Variants in MYO3B observed in about 807,000 individuals in gnomAD.
MYO3B encodes the protein myosin IIIB.
In MYO3B, 156 loss-of-function variants were observed where a neutral mutation model predicts 174.6. That is an observed-to-expected ratio of 0.89 (90% CI 0.78 to 1.02). The LOEUF is 1.02. MYO3B is among the 50% of genes least tolerant of loss of function. The probability of loss-of-function intolerance (pLI) is 0.00; values close to 1 mark genes in which losing one functional copy is unlikely to be tolerated. For synonymous variants in MYO3B, 563 were observed against 569.1 expected (o/e 0.99, Z 0.15); for missense variants, 1,632 against 1,639.4 (o/e 1.00, Z 0.08).
intron 30 of MYO3B, among the ~76,000 whole-genome samples, chr2:170,530,598 T>C (rs952191829): frequency 2.2e-4 from 34 of 152,222 alleles, no homozygotes; most frequent in Non-Finnish European, 5.9e-5. Context: ...CAGCGCCAGG[T>C]TGAGGCATCG....
intron 5 of MYO3B, 105 bp downstream of exon 5, chr2:170,214,933 T>G: frequency 2.4e-6 from 2 of 821,082 alleles, no homozygotes; most frequent in Non-Finnish European, 4.0e-6. Context: ...CACCATAGGC[T>G]GAGGGACTTT....
At chr2:170,563,113 C>T (rs1035429786) in intron 32 of MYO3B, among the ~76,000 whole-genome samples, 1 of 134,368 alleles carries the variant, frequency 7.4e-6, no homozygotes. Context: ...CTCTCTCTCT[C>T]ACACATACAC....
intron 32 of MYO3B, among the ~76,000 whole-genome samples, chr2:170,576,610 C>T (rs1159819590): frequency 5.9e-5 from 9 of 152,156 alleles, no homozygotes; most frequent in South Asian, 4.1e-4. Flanking sequence ...ATTATTAGGA[C>T]GAGAAAGAAA....
chr2:170,467,996 A>G (rs944100688), intron 25 of MYO3B, among the ~76,000 whole-genome samples: 1 of 152,160 alleles, frequency 6.6e-6, no homozygotes, highest in Admixed American at 6.5e-5. Flanking sequence ...CAATGTTTGA[A>G]TACATAAAAA....
intron 8 of MYO3B, among the ~76,000 whole-genome samples, chr2:170,352,021 C>T (rs7578695): frequency 0.9 from 136,954 of 152,188 alleles, 62,512 homozygotes; most frequent in East Asian, 1. Context: ...GGCATGATCT[C>T]GGCTCACTGC....
chr2:170,260,556 T>C (rs113145500), intron 7 of MYO3B, among the ~76,000 whole-genome samples: 302 of 151,638 alleles, frequency 2.0e-3, no homozygotes, highest in African/African-American at 6.8e-3. Context: ...ACTACTGGAG[T>C]TGGGAGAGGA....
rs114054752 is a variant in MYO3B at position 170,508,465 on chromosome 2, A to G, written c.3371-6456A>G. ...GAAAGCTAACTGGGCTGTGGCAAGA[A>G]TGATCATGCTATTTTTCTTCAAAAG... On this transcript the variant is annotated intron_variant, in intron 28 of 34. Transcript: ENST00000408978. Among the ~76,000 whole-genome samples the G allele has an allele frequency of 6.6e-3, 1,009 of 152,356 alleles. 5 individuals are homozygous for G. Among genetic ancestry groups the G allele is most frequent in the South Asian group, 0.025 (121 of 4,826 alleles).
In MYO3B at chr2:170,204,339, A is replaced by G. The variant is rs191520443; in HGVS notation, c.321+4055A>G. 2.0e-5 allele frequency among the ~76,000 whole-genome samples: 3 copies of G among 152,318 alleles called. No individual in the cohort carries two copies. The East Asian group carries it at 5.8e-4, about 29-fold the overall frequency. On this transcript the variant is annotated intron_variant, in intron 3 of 34. Transcript: ENST00000408978. ...CCTTAAAAGACAAAGTCTACTGAAC[A>G]AAGGGGCACCAAAAAGAAATTCCTC...
At chr2:170,388,064 TGTTA>T (rs1178025414) in intron 14 of MYO3B, among the ~76,000 whole-genome samples, 15 of 151,890 alleles carry the variant, frequency 9.9e-5, no homozygotes, top group Admixed American at 2.0e-4. Flanking sequence ...TTATTATAAT[TGTTA>T]ATAATAATAG....
At chr2:170,312,854 A>G (rs889845828) in intron 7 of MYO3B, among the ~76,000 whole-genome samples, 9 of 152,188 alleles carry the variant, frequency 5.9e-5, no homozygotes, top group African/African-American at 2.2e-4. Context: ...GGTTACACTT[A>G]AAGCTGATGA....
chr2:170,200,015 T>A (rs2092643397), intron 2 of MYO3B, 135 bp from the exon 3 acceptor site: 12 of 685,716 alleles, frequency 1.7e-5, no homozygotes, highest in Admixed American at 1.1e-4. Flanking sequence ...CATTGTTAGA[T>A]ATTTTGAAGG....
At chr2:170,273,931 G>A (rs896522505) in intron 7 of MYO3B, among the ~76,000 whole-genome samples, 1 of 152,178 alleles carries the variant, frequency 6.6e-6, no homozygotes, top group Non-Finnish European at 1.5e-5. Flanking sequence ...AGCCATAGAT[G>A]TGGAGCTGGG....
At chr2:170,367,598 C>G (rs1175063281) in intron 8 of MYO3B, among the ~76,000 whole-genome samples, 1 of 152,120 alleles carries the variant, frequency 6.6e-6, no homozygotes, top group Non-Finnish European at 1.5e-5. Flanking sequence ...ACCTATGTTA[C>G]TGACAGTATA....
At position 170,505,262 on chromosome 2, in the gene MYO3B, G is replaced by C. The variant is rs374450946; in HGVS notation, c.3370+3397G>C. ...TATTGTCTATCAGTTTCTTTTCTGCGGGGCTGAGGGAGGTGGGAAGCAACT... is the reference window on the plus strand; with the variant it reads ...TATTGTCTATCAGTTTCTTTTCTGCCGGGCTGAGGGAGGTGGGAAGCAACT... On this transcript the variant is annotated intron_variant, in intron 28 of 34. Transcript: ENST00000408978. Among the ~76,000 whole-genome samples, 34 of 152,178 alleles carry C rather than the reference G, an allele frequency of 2.2e-4. No individual in the cohort carries two copies. In the South Asian group the frequency reaches 6.2e-3, roughly 28 times the overall value.
chr2:170,400,645 C>CA (rs1491417100), intron 17 of MYO3B, among the ~76,000 whole-genome samples: 3 of 47,666 alleles, frequency 6.3e-5, no homozygotes, highest in Non-Finnish European at 1.8e-4. Context: ...CCTCATGATC[C>CA]ACCCCCCCCC....
At chr2:170,357,798 T>G (rs1382100864) in intron 8 of MYO3B, among the ~76,000 whole-genome samples, 2 of 152,214 alleles carry the variant, frequency 1.3e-5, no homozygotes, top group African/African-American at 4.8e-5. Flanking sequence ...TGAAAACATG[T>G]GTCCACATAA....
At chr2:170,453,719 A>G (rs1420453335) in intron 23 of MYO3B, among the ~76,000 whole-genome samples, 1 of 152,220 alleles carries the variant, frequency 6.6e-6, no homozygotes, top group Non-Finnish European at 1.5e-5. Flanking sequence ...GCTGCCCGAT[A>G]GTCTGCATGA....
At chr2:170,537,876 G>C (rs1188854851) in intron 30 of MYO3B, among the ~76,000 whole-genome samples, 1 of 152,204 alleles carries the variant, frequency 6.6e-6, no homozygotes, top group Non-Finnish European at 1.5e-5. Context: ...CCCAAATTTA[G>C]AGACAATGGA....
chr2:170,291,608 T>G (rs1274474225), intron 7 of MYO3B, among the ~76,000 whole-genome samples: 2 of 152,194 alleles, frequency 1.3e-5, no homozygotes, highest in Non-Finnish European at 2.9e-5. Context: ...TTGTAAAATA[T>G]GTGTGGTGGT....
Sources: gnomAD v4.1 joint callset for allele counts (sites outside exome capture counted in the v4.1 genomes callset) on GRCh38, gnomAD v4.1.1 for gene constraint, MANE v1.5 for transcripts, NCBI Gene and HGNC (gene_info 2026-07-23, HGNC 2026-07-21) for gene names.